CPQ: variants seen among roughly 807,000 people sequenced by gnomAD.
CPQ encodes the protein Ser-Met dipeptidase.
Under a neutral mutation model 45.7 loss-of-function variants are expected in CPQ, and 37 were observed. The observed-to-expected ratio is 0.81, with a 90% CI of 0.62 to 1.07. The LOEUF is 1.07. Among genes scored for constraint, CPQ ranks in the 50% least tolerant of loss-of-function variants. The probability of loss-of-function intolerance (pLI) is 0.00; values close to 1 mark genes in which losing one functional copy is unlikely to be tolerated. For missense variants in CPQ, 537 were observed against 572.9 expected (o/e 0.94, Z 0.64); for synonymous variants, 186 against 205.8 (o/e 0.90, Z 0.82).
intron 5 of CPQ, among the ~76,000 whole-genome samples, chr8:97,022,550 C>A (rs1393565010): frequency 6.6e-6 from 1 of 151,902 alleles, no homozygotes; most frequent in Non-Finnish European, 1.5e-5. Context: ...TAAACAATCC[C>A]ATCAAAAAGT....
chr8:97,013,689 A>T (rs185482768), intron 5 of CPQ, among the ~76,000 whole-genome samples: 1 of 152,310 alleles, frequency 6.6e-6, no homozygotes, highest in East Asian at 1.9e-4. Flanking sequence ...GAGGAGGCCA[A>T]TTTACATGGA....
chr8:96,770,987 G>C (rs1239950967), intron 1 of CPQ, among the ~76,000 whole-genome samples: 1 of 148,540 alleles, frequency 6.7e-6, no homozygotes, highest in African/African-American at 2.4e-5. Context: ...GTACTGTCTT[G>C]AGCTGTTGTA....
chr8:97,129,819 G>A (rs1330538534), intron 7 of CPQ, among the ~76,000 whole-genome samples: 1 of 152,102 alleles, frequency 6.6e-6, no homozygotes, highest in African/African-American at 2.4e-5. Flanking sequence ...AAAGTTCCGT[G>A]AGAGCAGGCA....
chr8:96,962,775 TA>T (rs1234419852), intron 4 of CPQ, among the ~76,000 whole-genome samples: 1 of 152,200 alleles, frequency 6.6e-6, no homozygotes, highest in East Asian at 1.9e-4. Context: ...CAGAAGCTCA[TA>T]TATTTGGAAA....
intron 2 of CPQ, among the ~76,000 whole-genome samples, chr8:96,808,417 TCA>T: frequency 6.6e-6 from 1 of 152,256 alleles, no homozygotes; most frequent in Admixed American, 6.5e-5. Flanking sequence ...GTCCTTGTCA[TCA>T]CAGAGTTTGG....
rs78418162 is a variant in CPQ at position 96,686,914 on chromosome 8, G to A, written c.-35+41512G>A. ...AATTTATCTGGGATGTGATTTCTTAGAAAAGCATCTTAATTCTCAAATTTA... is the reference window on the plus strand; with the variant it reads ...AATTTATCTGGGATGTGATTTCTTAAAAAAGCATCTTAATTCTCAAATTTA... On this transcript the variant is annotated intron_variant, in intron 1 of 7. Transcript: ENST00000220763. Among the ~76,000 whole-genome samples the A allele has an allele frequency of 3.4e-4, 51 of 152,200 alleles. No homozygotes were observed. In the East Asian group the frequency reaches 8.9e-3, roughly 27 times the overall value.
intron 2 of CPQ, among the ~76,000 whole-genome samples, chr8:96,799,607 T>G (rs1223273083): frequency 6.6e-6 from 1 of 152,166 alleles, no homozygotes; most frequent in Admixed American, 6.5e-5. Flanking sequence ...AGGTTGCAAA[T>G]TCCTTCTCTC....
intron 4 of CPQ, among the ~76,000 whole-genome samples, chr8:96,962,593 G>C (rs931838128): frequency 1.3e-5 from 2 of 152,178 alleles, no homozygotes; most frequent in Non-Finnish European, 2.9e-5. Context: ...TCAGATCCAA[G>C]TTTATTATAA....
At chr8:96,784,825 T>C (rs569818798) in intron 1 of CPQ, 39 bp from the exon 2 acceptor site, 2 of 1,443,680 alleles carry the variant, frequency 1.4e-6, no homozygotes, top group East Asian at 2.3e-5. Flanking sequence ...AGCTGTGAGA[T>C]TCTTTTCCCC....
At chr8:96,983,548 C>T (rs1586479798) in intron 5 of CPQ, among the ~76,000 whole-genome samples, 1 of 152,080 alleles carries the variant, frequency 6.6e-6, no homozygotes, top group Non-Finnish European at 1.5e-5. Flanking sequence ...GATATAGCCT[C>T]CCTTTGCTGG....
At chr8:96,886,910 C>T (rs1014099779) in intron 4 of CPQ, among the ~76,000 whole-genome samples, 1 of 152,218 alleles carries the variant, frequency 6.6e-6, no homozygotes, top group African/African-American at 2.4e-5. Flanking sequence ...CCTTTGTCGT[C>T]TCAGAGTTTC....
chr8:96,843,139 T>A (rs1042242813), intron 3 of CPQ, among the ~76,000 whole-genome samples: 2 of 152,144 alleles, frequency 1.3e-5, no homozygotes, highest in African/African-American at 4.8e-5. Context: ...ACTCTCGACC[T>A]CAGGTGATCT....
At chr8:96,778,245 T>A (rs1422365169) in intron 1 of CPQ, among the ~76,000 whole-genome samples, 2 of 152,000 alleles carry the variant, frequency 1.3e-5, no homozygotes, top group Non-Finnish European at 2.9e-5. Context: ...CTTGTTCCAT[T>A]TTTGTTACTT....
chr8:96,676,160 T>C (rs1809074118), intron 1 of CPQ, among the ~76,000 whole-genome samples: 1 of 152,044 alleles, frequency 6.6e-6, no homozygotes, highest in Non-Finnish European at 1.5e-5. Flanking sequence ...AATTTTGAAA[T>C]AATAAATTAT....
At chr8:96,925,824 G>A (rs1812866888) in intron 4 of CPQ, among the ~76,000 whole-genome samples, 1 of 151,760 alleles carries the variant, frequency 6.6e-6, no homozygotes, top group South Asian at 2.1e-4. Context: ...TGAGTAGCTG[G>A]GACTACAGGT....
intron 5 of CPQ, among the ~76,000 whole-genome samples, chr8:96,990,469 T>C (rs1809068163): frequency 6.6e-6 from 1 of 152,212 alleles, no homozygotes; most frequent in African/African-American, 2.4e-5. Flanking sequence ...AATAGTCTTA[T>C]GTACTGGAAG....
intron 7 of CPQ, among the ~76,000 whole-genome samples, chr8:97,083,123 T>C (rs1423565305): frequency 6.6e-6 from 1 of 152,206 alleles, no homozygotes; most frequent in Non-Finnish European, 1.5e-5. Flanking sequence ...GGCAATAATA[T>C]TTCAAAGGAC....
At chr8:97,089,566 A>T (rs965662387) in intron 7 of CPQ, among the ~76,000 whole-genome samples, 18 of 152,136 alleles carry the variant, frequency 1.2e-4, no homozygotes, top group South Asian at 2.1e-4. Flanking sequence ...AGGATCTTTT[A>T]AAAAAAATTA....
At chr8:96,937,118 A>G (rs1813062546) in intron 4 of CPQ, among the ~76,000 whole-genome samples, 7 of 152,076 alleles carry the variant, frequency 4.6e-5, no homozygotes, top group Admixed American at 4.6e-4. Context: ...CAAAAAGCTT[A>G]CAGTTTTTTG....
Sources: allele counts gnomAD v4.1 joint callset (sites outside exome capture counted in the v4.1 genomes callset), GRCh38; gene constraint gnomAD v4.1.1; transcripts MANE v1.5; gene names NCBI Gene and HGNC (gene_info 2026-07-23, HGNC 2026-07-21).